The following GPR146 variants were observed in gnomAD, a reference collection of about 807,000 sequenced individuals.
The protein encoded by GPR146 is G-protein coupled receptor 146.
For synonymous variants in GPR146, 203 were observed against 104.3 expected (o/e 1.95, Z -5.77); for missense variants, 381 against 213.9 (o/e 1.78, Z -4.87).
At chr7:1,046,116 G>A (rs565450909) in intron 1 of GPR146, among the ~76,000 whole-genome samples, 2 of 152,330 alleles carry the variant, frequency 1.3e-5, no homozygotes, top group Non-Finnish European at 2.9e-5. Flanking sequence ...TGCACAGATC[G>A]CTGCATGGGG....
chr7:1,055,278 G>A, intron 1 of GPR146: 1 of 471,204 alleles, frequency 2.1e-6, no homozygotes, highest in South Asian at 1.5e-5. Flanking sequence ...ACTTACCAGA[G>A]GAAAACAAGT....
chr7:1,051,353 G>A (rs945157721), intron 1 of GPR146, among the ~76,000 whole-genome samples: 1 of 152,410 alleles, frequency 6.6e-6, no homozygotes, highest in South Asian at 2.1e-4. Flanking sequence ...GGGAGACCCT[G>A]AGCCAGGCCG....
At chr7:1,047,635 C>T (rs1399688761) in intron 1 of GPR146, among the ~76,000 whole-genome samples, 1 of 152,250 alleles carries the variant, frequency 6.6e-6, no homozygotes, top group East Asian at 1.9e-4. Context: ...AGAATATTCA[C>T]CCAAGGTTGA....
At position 1,058,438 on chromosome 7, in the gene GPR146, A is replaced by G. The variant is rs2128205853; in HGVS notation, c.923A>G (p.Gln308Arg). 1 of 780,714 alleles carries G rather than the reference A, an allele frequency of 1.3e-6. No homozygotes were observed. Among genetic ancestry groups the G allele is most frequent in the South Asian group, 1.3e-5 (1 of 74,628 alleles). The allele number at this position is 780,714 out of a possible 1,614,324, so 48.4% of individuals were successfully genotyped here. ...AACCAGAGCTTCCCCAGCAAGCTCC[A>G]ACGGCTGATGAAAAAGCTGCCCTGC... ...YMNQSFPSKL[Q>R]RLMKKLPCGD... The change falls in exon 2 of 2, where the codon CAA becomes CGA. Residue 308 changes from glutamine (Q) to arginine (R), a missense_variant. Physicochemically the swap from Gln to Arg is conservative, Grantham distance 43. Transcript: ENST00000444847.
At chr7:1,044,768 T>C (rs1161420476) in intron 1 of GPR146, 110 bp downstream of exon 1, 1 of 152,008 alleles carries the variant, frequency 6.6e-6, no homozygotes, top group East Asian at 1.9e-4. Flanking sequence ...GCGCTGCGCT[T>C]ACTGGGACCC....
intron 1 of GPR146, chr7:1,056,600 C>T (rs1369619451): frequency 6.5e-6 from 1 of 152,756 alleles, no homozygotes; most frequent in African/African-American, 2.4e-5. Context: ...TCCCGAGCCT[C>T]CTCTTCCCGC....
chr7:1,052,565 C>T lies in GPR146; in HGVS notation c.-24-4927C>T, dbSNP rs529101315. Among the ~76,000 whole-genome samples, 26 of 152,154 alleles carry T rather than the reference C, an allele frequency of 1.7e-4. No individual in the cohort carries two copies. The highest frequency in any genetic ancestry group is 3.4e-4 in the African/African-American group (14 of 41,506). ...GCCAGGAAGGAGCAGCTGCCAGGGA[C>T]GGCCTGGCCTGGGAGGGTGGCCAGG... On this transcript the variant is annotated intron_variant, in intron 1 of 1. Transcript: ENST00000444847. This position sits in a 1 kb window ranked among gnomAD's most constrained non-coding sequence, Gnocchi z 4.2.
At chr7:1,053,013 G>A (rs1487503865) in intron 1 of GPR146, among the ~76,000 whole-genome samples, 1 of 152,216 alleles carries the variant, frequency 6.6e-6, no homozygotes. Context: ...TCTTTCCCTT[G>A]AAGGAAGTCA....
At chr7:1,045,369 C>CT (rs1300570172) in intron 1 of GPR146, 1 of 152,298 alleles carries the variant, frequency 6.6e-6, no homozygotes, top group Non-Finnish European at 1.5e-5. Context: ...TGAAGATGTA[C>CT]TTGAGTCCTC....
In GPR146 at chr7:1,058,819, G is replaced by A. The variant is rs1784164630; in HGVS notation, c.*302G>A. On this transcript the variant is annotated 3_prime_UTR_variant, in exon 2 of 2. Transcript: ENST00000444847. ...CCTCAGCATTCAGTTTGTCAATGAA[G>A]TGATGAAAGCTTAGAGCCAGTATTT... 1 of 411,086 alleles carries A rather than the reference G, an allele frequency of 2.4e-6. No homozygotes were observed. The highest frequency in any genetic ancestry group is 4.2e-5 in the Admixed American group (1 of 23,908). 25.5% of individuals were successfully genotyped at this position (411,086 alleles called of 1,614,324 possible). A position where few individuals can be genotyped will look rare whatever the true frequency, so the allele number is the denominator to read the frequency against.
At chr7:1,051,836 G>C (rs919920328) in intron 1 of GPR146, among the ~76,000 whole-genome samples, 10 of 152,182 alleles carry the variant, frequency 6.6e-5, no homozygotes, top group African/African-American at 2.4e-4. Flanking sequence ...ACATTAGCCA[G>C]CTGTAGTGGC....
At chr7:1,053,479 C>T (rs1410337441) in intron 1 of GPR146, among the ~76,000 whole-genome samples, 1 of 152,232 alleles carries the variant, frequency 6.6e-6, no homozygotes, top group Admixed American at 6.5e-5. Context: ...ACATGACTCG[C>T]CAGGCCCTGG....
chr7:1,045,310 G>T (rs1782475949), intron 1 of GPR146: 1 of 152,258 alleles, frequency 6.6e-6, no homozygotes, highest in African/African-American at 2.4e-5. Flanking sequence ...GTGGACCAGA[G>T]GATAATTCTG....
intron 1 of GPR146, among the ~76,000 whole-genome samples, chr7:1,050,349 G>A (rs1186076034): frequency 1.3e-5 from 2 of 152,266 alleles, no homozygotes; most frequent in African/African-American, 4.8e-5. Context: ...GAGCAGAGCA[G>A]GGAGCCGTCC....
intron 1 of GPR146, among the ~76,000 whole-genome samples, chr7:1,048,389 T>C (rs1782779381): frequency 6.6e-6 from 1 of 152,126 alleles, no homozygotes. Context: ...TGCTGGTTTC[T>C]GTTTCTGCCA....
intron 1 of GPR146, among the ~76,000 whole-genome samples, chr7:1,051,914 G>A (rs1180179404): frequency 2.6e-5 from 4 of 152,214 alleles, no homozygotes; most frequent in Non-Finnish European, 4.4e-5. Flanking sequence ...GGAGGCAGAG[G>A]GTGCAGTTAG....
chr7:1,050,139 G>C (rs1233549512), intron 1 of GPR146, among the ~76,000 whole-genome samples: 1 of 152,206 alleles, frequency 6.6e-6, no homozygotes, highest in Non-Finnish European at 1.5e-5. Context: ...TACGGGCTCA[G>C]GGCTGTGCAG....
chr7:1,053,642 A>C (rs1163175097), intron 1 of GPR146, among the ~76,000 whole-genome samples: 2 of 152,174 alleles, frequency 1.3e-5, no homozygotes, highest in African/African-American at 4.8e-5. Context: ...AGCCTGGCCA[A>C]CATGGAGAAA....
Position 1,057,848 on chromosome 7 carries a change from G to T in GPR146, c.333G>T (p.Val111=). ...TGGCACTGCAGATCCCCTTCAATGT[G>T]TCCTCACTGGTGGCCATGTACTCCA... ...VHVALQIPFN[V]SSLVAMYSTA... The change falls in exon 2 of 2, where the codon GTG becomes GTT. Residue 111 remains valine, a synonymous_variant. Coordinates refer to ENST00000444847, the MANE Select transcript of GPR146 (RefSeq NM_001303473.2). The T allele has an allele frequency of 1.3e-6, 1 of 777,642 alleles. No individual in the cohort carries two copies. The highest frequency in any genetic ancestry group is 2.4e-6 in the Non-Finnish European group (1 of 418,058). The allele number at this position is 777,642 out of a possible 1,614,324, so 48.2% of individuals were successfully genotyped here. A position where few individuals can be genotyped will look rare whatever the true frequency, so the allele number is the denominator to read the frequency against.
Sources: gnomAD v4.1 joint callset for allele counts (sites outside exome capture counted in the v4.1 genomes callset) on GRCh38, gnomAD v4.1.1 for gene constraint, Gnocchi (gnomAD v3.1) non-coding constraint, MANE v1.5 for transcripts, NCBI Gene and HGNC (gene_info 2026-07-23, HGNC 2026-07-21) for gene names.